RAD51B: variants seen among roughly 807,000 people sequenced by gnomAD.
RAD51B encodes the protein RAD51 paralog B, also known as DNA repair protein RAD51 homolog 2.
In RAD51B, 38 loss-of-function variants were observed where a neutral mutation model predicts 42.2. That is an observed-to-expected ratio of 0.90 (90% CI 0.70 to 1.18). The LOEUF (loss-of-function observed/expected upper bound fraction) is 1.18. RAD51B is among the 50% of genes most tolerant of loss of function. The pLI, the probability that RAD51B is intolerant of heterozygous loss-of-function variation, is 0.00. For missense variants in RAD51B, 373 were observed against 400.7 expected (o/e 0.93, Z 0.59); for synonymous variants, 154 against 145.2 (o/e 1.06, Z -0.43).
At chr14:68,411,766 T>C (rs1368533807) in intron 9 of RAD51B, among the ~76,000 whole-genome samples, 1 of 152,238 alleles carries the variant, frequency 6.6e-6, no homozygotes, top group African/African-American at 2.4e-5. Flanking sequence ...ATTTCTCTGA[T>C]ATTTGTAAGT....
At chr14:68,644,976 T>C (rs1892535945) in intron 10 of RAD51B, among the ~76,000 whole-genome samples, 2 of 152,248 alleles carry the variant, frequency 1.3e-5, no homozygotes, top group African/African-American at 4.8e-5. Context: ...TGTTTCATTT[T>C]TTCACTGTGT....
chr14:68,355,447 A>C (rs1030489711), intron 8 of RAD51B, among the ~76,000 whole-genome samples: 3 of 152,188 alleles, frequency 2.0e-5, no homozygotes, highest in Non-Finnish European at 4.4e-5. Flanking sequence ...TGGGTCTATT[A>C]GATTCTCCAA....
intron 7 of RAD51B, among the ~76,000 whole-genome samples, chr14:68,113,404 G>A (rs2077490132): frequency 6.6e-6 from 1 of 152,078 alleles, no homozygotes; most frequent in Non-Finnish European, 1.5e-5. Context: ...GCACATTTTA[G>A]TATGTTCTAC....
At chr14:68,212,238 T>A (rs1342461887) in intron 7 of RAD51B, among the ~76,000 whole-genome samples, 4 of 152,220 alleles carry the variant, frequency 2.6e-5, no homozygotes, top group Admixed American at 1.3e-4. Context: ...TGGTTGGAAG[T>A]TTGGCTCTAG....
chr14:67,966,775 T>C (rs2140241608), intron 7 of RAD51B, among the ~76,000 whole-genome samples: 1 of 152,344 alleles, frequency 6.6e-6, no homozygotes, highest in East Asian at 1.9e-4. Flanking sequence ...AAACTTGCTT[T>C]TTTGACTCTG....
intron 10 of RAD51B, among the ~76,000 whole-genome samples, chr14:68,547,610 G>A (rs1020667794): frequency 1.6e-4 from 24 of 152,128 alleles, no homozygotes; most frequent in Non-Finnish European, 3.2e-4. Flanking sequence ...CCACAAGCCC[G>A]GGTTCCTTGG....
chr14:67,916,662 A>G (rs4902535), intron 7 of RAD51B, among the ~76,000 whole-genome samples: 41,907 of 152,128 alleles, frequency 0.28, 7,542 homozygotes, highest in African/African-American at 0.51. Context: ...TAAGTTAAAT[A>G]TGTGCACTTT....
At chr14:68,598,055 G>T (rs1891075504), downstream of RAD51B, among the ~76,000 whole-genome samples, 1 of 152,118 alleles carries the variant, frequency 6.6e-6, no homozygotes, top group African/African-American at 2.4e-5. Flanking sequence ...GGCAGTCTCG[G>T]TCTGATTTTA....
intron 10 of RAD51B, among the ~76,000 whole-genome samples, chr14:68,572,411 G>A (rs1889752656): frequency 6.6e-6 from 1 of 152,182 alleles, no homozygotes; most frequent in African/African-American, 2.4e-5. Context: ...GCTTTTTAAG[G>A]AGCCCCTCAA....
At chr14:68,009,709 C>T (rs1289242089) in intron 7 of RAD51B, among the ~76,000 whole-genome samples, 1 of 151,892 alleles carries the variant, frequency 6.6e-6, no homozygotes, top group African/African-American at 2.4e-5. Context: ...ACGACCTCTT[C>T]TATAAAATAG....
intron 10 of RAD51B, among the ~76,000 whole-genome samples, chr14:68,638,126 A>G (rs1892378691): frequency 1.3e-5 from 2 of 152,202 alleles, no homozygotes; most frequent in Non-Finnish European, 2.9e-5. Flanking sequence ...CTGGAAGAGG[A>G]GAGAAATCCT....
At chr14:67,957,787 A>G (rs934132558) in intron 7 of RAD51B, among the ~76,000 whole-genome samples, 1 of 152,232 alleles carries the variant, frequency 6.6e-6, no homozygotes, top group Non-Finnish European at 1.5e-5. Context: ...AAATCATAGT[A>G]GAATTTGCTT....
intron 7 of RAD51B, among the ~76,000 whole-genome samples, chr14:67,962,635 T>TA (rs2074693751): frequency 2.6e-5 from 4 of 152,188 alleles, no homozygotes; most frequent in Admixed American, 6.5e-5. Context: ...CACAGGCGTA[T>TA]CCTCTCAAAT....
chr14:68,340,436 T>G (rs2082549716), intron 8 of RAD51B, among the ~76,000 whole-genome samples: 1 of 152,208 alleles, frequency 6.6e-6, no homozygotes, highest in Non-Finnish European at 1.5e-5. Flanking sequence ...TTGACACCTC[T>G]GGGGATCTAA....
intron 7 of RAD51B, among the ~76,000 whole-genome samples, chr14:68,244,092 G>A (rs1011865157): frequency 1.3e-5 from 2 of 152,072 alleles, no homozygotes; most frequent in Non-Finnish European, 2.9e-5. Flanking sequence ...ATGCTGGTGG[G>A]CTCTATGCTG....
chr14:68,605,187 G>A (rs920937716), intron 10 of RAD51B, among the ~76,000 whole-genome samples: 2 of 152,198 alleles, frequency 1.3e-5, no homozygotes, highest in Non-Finnish European at 2.9e-5. Flanking sequence ...CAAAATCAAG[G>A]TGTCACAGCA....
chr14:67,890,760 A>G (rs996836238), intron 7 of RAD51B, among the ~76,000 whole-genome samples: 7 of 152,040 alleles, frequency 4.6e-5, no homozygotes, highest in Admixed American at 1.3e-4. Flanking sequence ...GTTTATGAAA[A>G]TAGTCTTACC....
At chr14:68,192,856 G>C (rs1021481550) in intron 7 of RAD51B, among the ~76,000 whole-genome samples, 1 of 152,118 alleles carries the variant, frequency 6.6e-6, no homozygotes, top group Non-Finnish European at 1.5e-5. Context: ...TTTCTGAATG[G>C]ATTTTGGAAT....
intron 10 of RAD51B, among the ~76,000 whole-genome samples, chr14:68,531,581 A>G (rs989143508): frequency 6.6e-6 from 1 of 152,226 alleles, no homozygotes; most frequent in Non-Finnish European, 1.5e-5. Context: ...GAAATTCAAA[A>G]CATGTAAAGC....
Sources: allele counts gnomAD v4.1 joint callset (sites outside exome capture counted in the v4.1 genomes callset), GRCh38; gene constraint gnomAD v4.1.1; transcripts MANE v1.5; gene names NCBI Gene and HGNC (gene_info 2026-07-23, HGNC 2026-07-21).